Variants in EYS observed in about 807,000 individuals in gnomAD.
EYS encodes EGF-like photoreceptor maintenance factor.
In EYS, 250 loss-of-function variants were observed where a neutral mutation model predicts 282.1. That is an observed-to-expected ratio of 0.89 (90% CI 0.80 to 0.98). The LOEUF is 0.98. Among genes scored for constraint, EYS ranks in the 50% least tolerant of loss-of-function variants. The probability of loss-of-function intolerance (pLI) is 0.00; values close to 1 mark genes in which losing one functional copy is unlikely to be tolerated. For synonymous variants in EYS, 1,355 were observed against 1,282.9 expected, an observed-to-expected ratio of 1.06 and a Z score of -1.20; for missense variants, 4,016 against 3,709.0, an observed-to-expected ratio of 1.08 and a Z score of -2.15.
At chr6:64,334,835 T>C (rs1321292123) in intron 29 of EYS, among the ~76,000 whole-genome samples, 1 of 152,142 alleles carries the variant, frequency 6.6e-6, no homozygotes. Flanking sequence ...CATGTTCCAG[T>C]CCAGATGTGG....
chr6:64,003,148 T>C (rs1252554947), intron 33 of EYS, among the ~76,000 whole-genome samples: 1 of 152,184 alleles, frequency 6.6e-6, no homozygotes, highest in Non-Finnish European at 1.5e-5. Flanking sequence ...TGAGATCCTG[T>C]CATTTGCAAC....
At chr6:64,301,841 T>G (rs1167257376) in intron 30 of EYS, among the ~76,000 whole-genome samples, 1 of 152,150 alleles carries the variant, frequency 6.6e-6, no homozygotes, top group Non-Finnish European at 1.5e-5. Context: ...AAGTGGCCAT[T>G]TGGTGGAGAC....
intron 11 of EYS, among the ~76,000 whole-genome samples, chr6:65,317,192 G>A (rs1406221075): frequency 6.6e-6 from 1 of 152,052 alleles, no homozygotes; most frequent in African/African-American, 2.4e-5. Context: ...GGTTGGAGCA[G>A]CTAAACCTAG....
intron 39 of EYS, chr6:63,787,505 CT>C: frequency 6.6e-6 from 1 of 152,360 alleles, no homozygotes; most frequent in Non-Finnish European, 1.5e-5. Flanking sequence ...CTCCATTTCC[CT>C]TTTCCCATTG....
intron 26 of EYS, among the ~76,000 whole-genome samples, chr6:64,454,724 T>G (rs1376456950): frequency 2.0e-5 from 3 of 152,178 alleles, no homozygotes; most frequent in Non-Finnish European, 2.9e-5. Context: ...ATTACTTAAG[T>G]ATCCACAGAT....
intron 22 of EYS, among the ~76,000 whole-genome samples, chr6:64,767,446 C>T (rs986816689): frequency 1.3e-5 from 2 of 152,028 alleles, no homozygotes; most frequent in African/African-American, 4.8e-5. Context: ...TCTTTCCAGC[C>T]TCTAGTATTC....
intron 29 of EYS, among the ~76,000 whole-genome samples, chr6:64,387,326 C>T (rs1211246571): frequency 6.6e-6 from 1 of 152,040 alleles, no homozygotes; most frequent in Non-Finnish European, 1.5e-5. Flanking sequence ...TATATTGCTT[C>T]TGCATGTTTA....
At chr6:63,970,732 C>T (rs189844028) in intron 35 of EYS, among the ~76,000 whole-genome samples, 2 of 152,046 alleles carry the variant, frequency 1.3e-5, no homozygotes, top group African/African-American at 4.8e-5. Context: ...TTGACATTGT[C>T]TTTCTCCTTC....
chr6:64,525,521 G>A lies in EYS; in HGVS notation c.5644+64702C>T, dbSNP rs912083155. Among the ~76,000 whole-genome samples, 3 of 151,550 alleles carry A rather than the reference G, an allele frequency of 2.0e-5. No individual in the cohort carries two copies. In the Admixed American group the frequency reaches 2.0e-4, roughly 10 times the overall value. On this transcript the variant is annotated intron_variant, in intron 26 of 42. Coordinates refer to ENST00000503581, the MANE Select transcript of EYS (RefSeq NM_001142800.2). ...GGGCAATAGACACTGGGGACTACTT[G>A]AGGGTGGAGGGTGGGAGGAAGGAGA... is the stretch of plus-strand genomic sequence containing the variant.
intron 5 of EYS, among the ~76,000 whole-genome samples, chr6:65,424,016 A>T (rs1171494777): frequency 6.6e-6 from 1 of 151,854 alleles, no homozygotes; most frequent in Non-Finnish European, 1.5e-5. Flanking sequence ...TCAAAGTCTA[A>T]CTTTAATCCT....
chr6:64,373,825 T>G (rs926947143), intron 29 of EYS, among the ~76,000 whole-genome samples: 1 of 152,068 alleles, frequency 6.6e-6, no homozygotes, highest in Non-Finnish European at 1.5e-5. Context: ...CACCTGGCTA[T>G]CGGTGGAGGT....
rs1239151381 is a variant in EYS, at chr6:65,391,902, G to A, written c.1185-7402C>T. 3.2e-3 allele frequency among the ~76,000 whole-genome samples: 481 copies of A among 152,182 alleles called. 3 individuals carry two copies. The highest frequency in any genetic ancestry group is 0.01 in the African/African-American group (417 of 41,512). On this transcript the variant is annotated intron_variant, in intron 7 of 42. Transcript: ENST00000503581. Reference sequence around the variant, plus strand: ...AAAAGAACAAAGCTGGAGGCATCACGCTACCTGACTTCAAACTATACTACA... The same window carrying A: ...AAAAGAACAAAGCTGGAGGCATCACACTACCTGACTTCAAACTATACTACA...
intron 2 of EYS, among the ~76,000 whole-genome samples, chr6:65,599,239 C>T (rs1319095392): frequency 6.6e-6 from 1 of 152,060 alleles, no homozygotes; most frequent in Non-Finnish European, 1.5e-5. Context: ...AAAAAATCTG[C>T]ATATAAATGG....
intron 12 of EYS, among the ~76,000 whole-genome samples, chr6:65,083,891 A>G (rs1363807170): frequency 6.6e-6 from 1 of 151,768 alleles, no homozygotes; most frequent in Non-Finnish European, 1.5e-5. Flanking sequence ...CCAAATTTTT[A>G]TATTACTCTA....
chr6:64,856,243 T>C (rs918773719), intron 19 of EYS, among the ~76,000 whole-genome samples: 1 of 152,134 alleles, frequency 6.6e-6, no homozygotes, highest in African/African-American at 2.4e-5. Context: ...AAATGAGAGT[T>C]CCTGTTGCTT....
intron 5 of EYS, among the ~76,000 whole-genome samples, chr6:65,424,071 G>C (rs927815472): frequency 6.6e-6 from 1 of 151,756 alleles, no homozygotes; most frequent in Non-Finnish European, 1.5e-5. Context: ...AAGGTGTAAT[G>C]AATTTAACGT....
Position 65,042,945 on chromosome 6 carries a change from C to T in EYS, c.2137+14669G>A, listed in dbSNP as rs553732282. On this transcript the variant is annotated intron_variant, in intron 13 of 42. Coordinates refer to ENST00000503581, the MANE Select transcript of EYS (RefSeq NM_001142800.2). ...TATTTCTGTTGGGAAGCACTGGCCTCGGTTATGTCTATGTAAACGTGAATG... is the reference window on the plus strand; with the variant it reads ...TATTTCTGTTGGGAAGCACTGGCCTTGGTTATGTCTATGTAAACGTGAATG... Among the ~76,000 whole-genome samples, 17 of 151,352 alleles carry T rather than the reference C, an allele frequency of 1.1e-4. No homozygotes were observed. In the South Asian group the frequency reaches 1.5e-3, roughly 13 times the overall value.
intron 5 of EYS, among the ~76,000 whole-genome samples, chr6:65,486,307 G>A (rs1554201633): frequency 6.6e-6 from 1 of 151,816 alleles, no homozygotes; most frequent in Admixed American, 6.6e-5. Flanking sequence ...TTTTTTTCTT[G>A]CTTCTTTTCA....
At chr6:65,519,428 C>A (rs1767264791) in intron 2 of EYS, among the ~76,000 whole-genome samples, 3 of 149,696 alleles carry the variant, frequency 2.0e-5, no homozygotes, top group African/African-American at 7.4e-5. Context: ...ATGATTTTAC[C>A]TTAAACATTA....
Sources: gnomAD v4.1 joint callset for allele counts (sites outside exome capture counted in the v4.1 genomes callset) on GRCh38, gnomAD v4.1.1 for gene constraint, MANE v1.5 for transcripts, NCBI Gene and HGNC (gene_info 2026-07-23, HGNC 2026-07-21) for gene names.